HLTF: variants seen among roughly 807,000 people sequenced by gnomAD.
HLTF encodes the protein DNA-dependent ATPase/E3 ubiquitin-protein ligase HLTF.
A neutral mutation model predicts 129.4 loss-of-function variants in HLTF; 127 were observed. The ratio of observed to expected loss-of-function variants is 0.98; its 90% confidence interval spans 0.85 to 1.14. The LOEUF is 1.14. Ranked by LOEUF, HLTF falls within the 50% of genes most tolerant of loss-of-function variation. The pLI is 0.00. For missense variants in HLTF, 1,139 were observed against 1,187.1 expected (o/e 0.96, Z 0.60); for synonymous variants, 332 against 388.8 (o/e 0.85, Z 1.72).
intron 14 of HLTF, among the ~76,000 whole-genome samples, chr3:149,054,040 A>T (rs1717216527): frequency 6.6e-6 from 1 of 152,168 alleles, no homozygotes; most frequent in Non-Finnish European, 1.5e-5. Context: ...TTAAAAAATA[A>T]ATAAATAAAC....
At chr3:149,083,146 G>T (rs1057342253) in intron 2 of HLTF, among the ~76,000 whole-genome samples, 1 of 152,068 alleles carries the variant, frequency 6.6e-6, no homozygotes, top group African/African-American at 2.4e-5. Context: ...AGCTACTTAG[G>T]AGGCTGTTGC....
At chr3:149,067,455 T>C (rs993700362) in intron 8 of HLTF, among the ~76,000 whole-genome samples, 7 of 152,154 alleles carry the variant, frequency 4.6e-5, no homozygotes, top group African/African-American at 1.4e-4. Flanking sequence ...GGCTATATCG[T>C]TTAACTGTTC....
intron 9 of HLTF, 147 bp from the exon 10 acceptor site, chr3:149,063,671 T>G (rs1479153530): frequency 5.2e-6 from 3 of 572,414 alleles, no homozygotes; most frequent in Non-Finnish European, 9.3e-6. Flanking sequence ...TTCTCTACTT[T>G]TTTCCTAATC....
intron 2 of HLTF, among the ~76,000 whole-genome samples, chr3:149,081,569 A>T (rs1395522149): frequency 1.3e-5 from 2 of 152,204 alleles, no homozygotes; most frequent in African/African-American, 2.4e-5. Flanking sequence ...ATAGCTAATC[A>T]ATAAAAAAGA....
In HLTF at chr3:149,042,360, A is replaced by C. The variant is rs910796343; in HGVS notation, c.2073-70T>G. ...ATAACTTCCTATTCTAAAACAGCAGAGTAAAATGGCATTTTTCTTTTCTTC... is the reference window on the plus strand; with the variant it reads ...ATAACTTCCTATTCTAAAACAGCAGCGTAAAATGGCATTTTTCTTTTCTTC... On this transcript the variant is annotated intron_variant, in intron 18 of 24. Transcript: ENST00000310053. 10 of 1,310,502 alleles carry C rather than the reference A, an allele frequency of 7.6e-6. No individual in the cohort carries two copies. The African/African-American group carries it at 1.2e-4, about 16-fold the overall frequency. 81.2% of individuals were successfully genotyped at this position (1,310,502 alleles called of 1,614,324 possible).
intron 24 of HLTF, among the ~76,000 whole-genome samples, chr3:149,034,651 G>A (rs13099332): frequency 0.3 from 45,582 of 151,998 alleles, 6,794 homozygotes; most frequent in East Asian, 0.33. Context: ...ATAGTTTTAA[G>A]GGAAACAAAT....
intron 13 of HLTF, among the ~76,000 whole-genome samples, chr3:149,059,142 T>C (rs1276457040): frequency 1.3e-5 from 2 of 152,164 alleles, no homozygotes; most frequent in South Asian, 2.1e-4. Flanking sequence ...ATTTCTCTCA[T>C]CATTACATCA....
intron 13 of HLTF, among the ~76,000 whole-genome samples, chr3:149,058,403 A>G (rs1174137746): frequency 6.6e-6 from 1 of 152,096 alleles, no homozygotes; most frequent in East Asian, 1.9e-4. Context: ...CTGAATCAGC[A>G]TATTTTTTCC....
chr3:149,068,567 G>A (rs1375129608), intron 7 of HLTF, among the ~76,000 whole-genome samples: 5 of 152,140 alleles, frequency 3.3e-5, no homozygotes, highest in Admixed American at 2.0e-4. Flanking sequence ...AAGTATCTCT[G>A]AGAAGTGTCA....
intron 7 of HLTF, among the ~76,000 whole-genome samples, chr3:149,069,809 T>TA (rs1226185036): frequency 1.3e-5 from 2 of 152,202 alleles, no homozygotes; most frequent in African/African-American, 4.8e-5. Flanking sequence ...TTGTCAATGA[T>TA]AAAATGTGAG....
At chr3:149,051,394 A>G (rs1716983545) in intron 14 of HLTF, among the ~76,000 whole-genome samples, 1 of 151,306 alleles carries the variant, frequency 6.6e-6, no homozygotes, top group African/African-American at 2.4e-5. Context: ...AGGTGTAGAT[A>G]TGAATTTTAA....
intron 20 of HLTF, among the ~76,000 whole-genome samples, chr3:149,040,808 A>G (rs1039102121): frequency 3.9e-5 from 6 of 152,194 alleles, no homozygotes; most frequent in Non-Finnish European, 8.8e-5. Context: ...TAGGCAGCAG[A>G]TACAGGAATA....
chr3:149,049,032 A>C (rs1340816603), intron 15 of HLTF, 31 bp from the exon 16 acceptor site: 2 of 1,487,686 alleles, frequency 1.3e-6, no homozygotes, highest in African/African-American at 2.8e-5. Flanking sequence ...GAATTAAAAA[A>C]CACAGGAAAG....
chr3:149,051,063 G>A (rs1358237910), intron 14 of HLTF, among the ~76,000 whole-genome samples: 1 of 151,952 alleles, frequency 6.6e-6, no homozygotes, highest in African/African-American at 2.4e-5. Flanking sequence ...AAACCAGCAA[G>A]GTAGAAGTAG....
intron 8 of HLTF, among the ~76,000 whole-genome samples, chr3:149,065,077 A>C (rs1005877051): frequency 5.9e-5 from 9 of 152,092 alleles, no homozygotes; most frequent in African/African-American, 1.9e-4. Context: ...AAAAAAAAAA[A>C]AATAAATAAA....
chr3:149,036,297 G>GTTTTTTGTTTTTTTTTTTTTTT (rs372645862), intron 23 of HLTF, among the ~76,000 whole-genome samples: 1 of 107,986 alleles, frequency 9.3e-6, no homozygotes, highest in Non-Finnish European at 1.8e-5. Flanking sequence ...AAACTATGAG[G>GTTTTTTGTTTTTTTTTTTTTTT]TTTTTTTTTT....
chr3:149,063,560 T>C, intron 9 of HLTF, 36 bp from the exon 10 acceptor site: 1 of 1,257,112 alleles, frequency 8.0e-7, no homozygotes, highest in Non-Finnish European at 1.2e-6. Flanking sequence ...AAAGTATTAG[T>C]AAGGTGTCTT....
At chr3:149,033,933 G>C (rs752596045) in intron 24 of HLTF, among the ~76,000 whole-genome samples, 1 of 152,132 alleles carries the variant, frequency 6.6e-6, no homozygotes. Context: ...AGACAAGGAA[G>C]AGTATGGGAT....
intron 7 of HLTF, 33 bp from the exon 8 acceptor site, chr3:149,068,368 A>C (rs755849445): frequency 9.9e-7 from 1 of 1,012,000 alleles, no homozygotes; most frequent in South Asian, 1.4e-5. Flanking sequence ...AAATGGTCAG[A>C]TTGTGAAACC....
Sources: gnomAD v4.1 joint callset for allele counts (sites outside exome capture counted in the v4.1 genomes callset) on GRCh38, gnomAD v4.1.1 for gene constraint, MANE v1.5 for transcripts, NCBI Gene and HGNC (gene_info 2026-07-23, HGNC 2026-07-21) for gene names.